CELF2: variants seen among roughly 807,000 people sequenced by gnomAD.
The protein encoded by CELF2 is CUG triplet repeat RNA-binding protein 2.
In CELF2, 8 loss-of-function variants were observed where a neutral mutation model predicts 62.6. The ratio of observed to expected loss-of-function variants is 0.13; its 90% confidence interval spans 0.07 to 0.23. CELF2 has a LOEUF of 0.23. Ranked by LOEUF, CELF2 falls within the 10% of genes least tolerant of loss-of-function variation. The probability of loss-of-function intolerance (pLI) is 1.00; values close to 1 mark genes in which losing one functional copy is unlikely to be tolerated. For synonymous variants in CELF2, 258 were observed against 250.0 expected, an observed-to-expected ratio of 1.03 and a Z score of -0.30; for missense variants, 333 against 671.0, an observed-to-expected ratio of 0.50 and a Z score of 5.56.
intron 2 of CELF2, among the ~76,000 whole-genome samples, chr10:10,976,865 CCT>C (rs2051402831): frequency 6.6e-6 from 1 of 152,190 alleles, no homozygotes; most frequent in Non-Finnish European, 1.5e-5. Flanking sequence ...TCTCTTGTCC[CCT>C]GTCATGTGTC....
rs1164858918 is a variant in CELF2 at position 11,334,902 on chromosome 10, A to AAAAG, written c.*5851_*5854dup. The stretch of plus-strand genomic sequence containing the variant: ...AGTCTATTATTTGTTGCCCTCAATC[A>AAAAG]AAAGATATGTATAGAAAAGTCATTT... On this transcript the variant is annotated 3_prime_UTR_variant, in exon 13 of 13. Coordinates refer to ENST00000633077, the MANE Select transcript of CELF2 (RefSeq NM_001326342.2). 1 of 152,242 alleles carries AAAAG rather than the reference A, an allele frequency of 6.6e-6. No individual in the cohort carries two copies. Among genetic ancestry groups the AAAAG allele is most frequent in the African/African-American group, 2.4e-5 (1 of 41,464 alleles). 9.4% of individuals were successfully genotyped at this position (152,242 alleles called of 1,614,324 possible).
chr10:10,925,914 G>T (rs1416039873), intron 2 of CELF2, among the ~76,000 whole-genome samples: 1 of 152,112 alleles, frequency 6.6e-6, no homozygotes, highest in Non-Finnish European at 1.5e-5. Context: ...AGATGGTGAG[G>T]TGTGTTCTCT....
intron 4 of CELF2, among the ~76,000 whole-genome samples, chr10:11,250,529 C>T (rs1404140378): frequency 1.3e-5 from 2 of 152,156 alleles, no homozygotes; most frequent in African/African-American, 2.4e-5. Flanking sequence ...GAGTGAGCCA[C>T]GCCACTCCTG....
chr10:10,596,915 C>T, the CELF2 span, among the ~76,000 whole-genome samples: 1 of 152,212 alleles, frequency 6.6e-6, no homozygotes, highest in African/African-American at 2.4e-5. Context: ...TCAGACTCTT[C>T]TTCCTGACAT....
chr10:11,079,533 C>T (rs1315157916), intron 1 of CELF2, among the ~76,000 whole-genome samples: 1 of 152,120 alleles, frequency 6.6e-6, no homozygotes, highest in Non-Finnish European at 1.5e-5. Flanking sequence ...AGTGAGTTCT[C>T]AGGAGATGTG....
the CELF2 span, among the ~76,000 whole-genome samples, chr10:10,518,709 A>G: frequency 7.2e-6 from 1 of 139,542 alleles, no homozygotes; most frequent in Non-Finnish European, 1.6e-5. Context: ...ATAACATACC[A>G]CAAAATGATT....
chr10:10,907,165 G>A (rs548390145), intron 1 of CELF2, among the ~76,000 whole-genome samples: 16 of 152,080 alleles, frequency 1.1e-4, no homozygotes, highest in East Asian at 5.8e-4. Flanking sequence ...GAAAAAATTC[G>A]TACAGCTTGC....
intron 1 of CELF2, chr10:11,071,552 A>G (rs2070016466): frequency 6.6e-6 from 1 of 152,228 alleles, no homozygotes; most frequent in Non-Finnish European, 1.5e-5. Flanking sequence ...TTTTCCACTC[A>G]AAACCCAGAT....
At chr10:10,962,392 G>T (rs1396880925) in intron 2 of CELF2, among the ~76,000 whole-genome samples, 1 of 152,194 alleles carries the variant, frequency 6.6e-6, no homozygotes, top group Non-Finnish European at 1.5e-5. Flanking sequence ...AGGGGCTTTT[G>T]TGCTTGAAGT....
intron 9 of CELF2, among the ~76,000 whole-genome samples, chr10:11,288,820 C>T (rs1247022809): frequency 1.3e-5 from 2 of 152,244 alleles, no homozygotes. Flanking sequence ...CTGTTTTAAA[C>T]ACTAGTCCAT....
chr10:10,552,037 A>G, the CELF2 span, among the ~76,000 whole-genome samples: 25 of 152,128 alleles, frequency 1.6e-4, no homozygotes, highest in African/African-American at 5.8e-4. Flanking sequence ...CACGTGGAAC[A>G]TAATGCACAG....
chr10:10,538,310 T>C, the CELF2 span, among the ~76,000 whole-genome samples: 13 of 152,130 alleles, frequency 8.5e-5, no homozygotes, highest in South Asian at 2.1e-4. Flanking sequence ...CTGGAAACCA[T>C]AGGGCAAGAG....
At chr10:10,594,318 A>T in the CELF2 span, among the ~76,000 whole-genome samples, 1 of 152,136 alleles carries the variant, frequency 6.6e-6, no homozygotes, top group African/African-American at 2.4e-5. Flanking sequence ...AGAAAAAGTG[A>T]TTATTTCTAT....
At chr10:10,732,602 C>T in the CELF2 span, among the ~76,000 whole-genome samples, 2 of 149,546 alleles carry the variant, frequency 1.3e-5, no homozygotes, top group Admixed American at 6.7e-5. Context: ...TGGCTCACTG[C>T]AACCTCTGTC....
rs747266450 is a variant in CELF2 at position 11,306,144 on chromosome 10, T to G, written c.977-7995T>G. On this transcript the variant is annotated intron_variant, in intron 9 of 12. Transcript: ENST00000633077. The surrounding 1 kb of genome is among the most constrained non-coding windows in gnomAD (Gnocchi z 4.4). Reference sequence around the variant, plus strand: ...ACTGTGCGAGCAAGGTGAGGTGCACTTTGCAGCCTCCGTCTGGGATCCTCT... The same window carrying G: ...ACTGTGCGAGCAAGGTGAGGTGCACGTTGCAGCCTCCGTCTGGGATCCTCT... Among the ~76,000 whole-genome samples, 51 of 152,106 alleles carry G rather than the reference T, an allele frequency of 3.4e-4. No homozygotes were observed. The highest frequency in any genetic ancestry group is 6.6e-4 in the Non-Finnish European group (45 of 68,020).
intron 2 of CELF2, among the ~76,000 whole-genome samples, chr10:10,964,705 T>C (rs1199766950): frequency 6.6e-6 from 1 of 152,248 alleles, no homozygotes; most frequent in East Asian, 1.9e-4. Context: ...TTAAACTGAA[T>C]GTGAACCTTC....
At chr10:10,675,799 A>C in the CELF2 span, among the ~76,000 whole-genome samples, 1 of 152,148 alleles carries the variant, frequency 6.6e-6, no homozygotes, top group African/African-American at 2.4e-5. Context: ...GATCTGTGGC[A>C]TGTCTTTCAG....
chr10:10,547,886 G>A, the CELF2 span, among the ~76,000 whole-genome samples: 15 of 152,220 alleles, frequency 9.9e-5, no homozygotes, highest in East Asian at 2.5e-3. Flanking sequence ...TTCTGAGAGT[G>A]AATATTTTCC....
At chr10:10,650,985 A>G in the CELF2 span, among the ~76,000 whole-genome samples, 25 of 152,144 alleles carry the variant, frequency 1.6e-4, no homozygotes, top group Admixed American at 3.3e-4. Flanking sequence ...AGGGAGTGCC[A>G]GACAGTGGGC....
Sources: gnomAD v4.1 joint callset for allele counts (sites outside exome capture counted in the v4.1 genomes callset) on GRCh38, gnomAD v4.1.1 for gene constraint, Gnocchi (gnomAD v3.1) non-coding constraint, MANE v1.5 for transcripts, NCBI Gene and HGNC (gene_info 2026-07-23, HGNC 2026-07-21) for gene names.